The following GALNTL6 variants were observed in gnomAD, a reference collection of about 807,000 sequenced individuals.
The protein encoded by GALNTL6 is polypeptide N-acetylgalactosaminyltransferase-like 6.
A neutral mutation model predicts 73.7 loss-of-function variants in GALNTL6; 46 were observed. That is an observed-to-expected ratio of 0.62 (90% CI 0.49 to 0.80). GALNTL6 has a LOEUF of 0.80. Among genes scored for constraint, GALNTL6 ranks in the 30% least tolerant of loss-of-function variants. The probability of loss-of-function intolerance (pLI) is 0.00; values close to 1 mark genes in which losing one functional copy is unlikely to be tolerated. For missense variants in GALNTL6, 604 were observed against 755.0 expected, an observed-to-expected ratio of 0.80 and a Z score of 2.34; for synonymous variants, 259 against 263.7, an observed-to-expected ratio of 0.98 and a Z score of 0.17.
intron 5 of GALNTL6, among the ~76,000 whole-genome samples, chr4:172,743,274 G>T (rs1269777884): frequency 1.3e-5 from 2 of 151,998 alleles, no homozygotes; most frequent in South Asian, 4.1e-4. Flanking sequence ...TAGAGTTGTT[G>T]CAGAGCCTTT....
chr4:172,072,700 C>A (rs143431080), intron 2 of GALNTL6, among the ~76,000 whole-genome samples: 7 of 152,270 alleles, frequency 4.6e-5, no homozygotes, highest in African/African-American at 1.4e-4. Flanking sequence ...TCCAGTAACT[C>A]CTATCAGATT....
intron 2 of GALNTL6, among the ~76,000 whole-genome samples, chr4:171,844,677 A>G (rs547181470): frequency 6.6e-6 from 1 of 152,278 alleles, no homozygotes; most frequent in South Asian, 2.1e-4. Flanking sequence ...GTGACAATGT[A>G]AAACTGGAGA....
intron 2 of GALNTL6, among the ~76,000 whole-genome samples, chr4:171,886,084 T>C (rs1736600043): frequency 6.6e-6 from 1 of 152,070 alleles, no homozygotes; most frequent in African/African-American, 2.4e-5. Context: ...TGCTAAAGGA[T>C]AAAATATCTA....
intron 6 of GALNTL6, among the ~76,000 whole-genome samples, chr4:172,810,188 T>C (rs532471278): frequency 1.2e-4 from 19 of 152,184 alleles, no homozygotes; most frequent in Non-Finnish European, 2.5e-4. Flanking sequence ...ATGCTCACAA[T>C]ATGGCTAAGC....
chr4:172,725,153 T>C (rs1171369907), intron 5 of GALNTL6, among the ~76,000 whole-genome samples: 1 of 152,214 alleles, frequency 6.6e-6, no homozygotes, highest in Non-Finnish European at 1.5e-5. Flanking sequence ...CCTACCTTAG[T>C]TCTTTGGAAA....
At chr4:172,469,014 G>T (rs183127659) in intron 5 of GALNTL6, among the ~76,000 whole-genome samples, 178 of 152,282 alleles carry the variant, frequency 1.2e-3, no homozygotes, top group African/African-American at 3.8e-3. Context: ...AGAATGGCAA[G>T]GATTCATTGG....
intron 5 of GALNTL6, among the ~76,000 whole-genome samples, chr4:172,781,122 CGTAA>C (rs1224685448): frequency 1.3e-5 from 2 of 152,066 alleles, no homozygotes; most frequent in African/African-American, 4.8e-5. Context: ...ACCAAAAGGC[CGTAA>C]GTTAAGGAAG....
chr4:172,616,003 A>G (rs2111059771), intron 5 of GALNTL6, among the ~76,000 whole-genome samples: 2 of 152,348 alleles, frequency 1.3e-5, no homozygotes, highest in South Asian at 4.1e-4. Context: ...TTAATACATC[A>G]GAAACAGCTA....
At chr4:172,019,156 C>T (rs1048460886) in intron 2 of GALNTL6, among the ~76,000 whole-genome samples, 3 of 152,094 alleles carry the variant, frequency 2.0e-5, no homozygotes, top group Non-Finnish European at 2.9e-5. Context: ...TTTCCCGGTA[C>T]ACTCCTGCAA....
chr4:172,766,718 G>A (rs1738425790), intron 5 of GALNTL6, among the ~76,000 whole-genome samples: 1 of 152,134 alleles, frequency 6.6e-6, no homozygotes, highest in Non-Finnish European at 1.5e-5. Context: ...ATTGTTGCTG[G>A]TCTAGAGTAA....
chr4:172,207,441 T>C (rs1316422144), intron 2 of GALNTL6, among the ~76,000 whole-genome samples: 1 of 152,042 alleles, frequency 6.6e-6, no homozygotes, highest in Non-Finnish European at 1.5e-5. Context: ...GAAGAGGAAG[T>C]TGATTCAAGC....
At chr4:172,906,273 G>A (rs1746888393) in intron 8 of GALNTL6, among the ~76,000 whole-genome samples, 2 of 151,770 alleles carry the variant, frequency 1.3e-5, no homozygotes, top group Non-Finnish European at 2.9e-5. Context: ...AAATGATAAT[G>A]GGGAAAAAAT....
At chr4:172,313,029 C>A (rs1388980538) in intron 4 of GALNTL6, among the ~76,000 whole-genome samples, 1 of 152,078 alleles carries the variant, frequency 6.6e-6, no homozygotes, top group Non-Finnish European at 1.5e-5. Flanking sequence ...ATTTTAATAC[C>A]TAATTGCACA....
At chr4:172,304,043 A>AT (rs1740035626) in intron 3 of GALNTL6, among the ~76,000 whole-genome samples, 1 of 149,168 alleles carries the variant, frequency 6.7e-6, no homozygotes, top group Admixed American at 6.9e-5. Context: ...ATGCTCCTAG[A>AT]TTATTAAAAT....
intron 3 of GALNTL6, among the ~76,000 whole-genome samples, chr4:172,235,167 T>C (rs11943707): frequency 6.9e-6 from 1 of 145,322 alleles, no homozygotes; most frequent in African/African-American, 2.5e-5. Context: ...GTTTTTTTTT[T>C]CTTTTTGCTT....
At chr4:172,360,044 T>A (rs557630853) in intron 5 of GALNTL6, among the ~76,000 whole-genome samples, 1 of 152,228 alleles carries the variant, frequency 6.6e-6, no homozygotes. Flanking sequence ...CCTAATGGCA[T>A]GACTGCCCTG....
intron 2 of GALNTL6, among the ~76,000 whole-genome samples, chr4:172,136,015 C>T (rs1733627576): frequency 6.6e-6 from 1 of 152,012 alleles, no homozygotes; most frequent in Non-Finnish European, 1.5e-5. Context: ...TATCAAAGTC[C>T]ACTTCTTGTT....
chr4:171,829,511 C>T (rs1216561235), intron 2 of GALNTL6, among the ~76,000 whole-genome samples: 5 of 152,286 alleles, frequency 3.3e-5, no homozygotes, highest in Non-Finnish European at 5.9e-5. Context: ...TAAGCCTCAA[C>T]CATTTTGAGC....
At chr4:172,915,999 A>C (rs1218764286) in intron 8 of GALNTL6, among the ~76,000 whole-genome samples, 3 of 152,202 alleles carry the variant, frequency 2.0e-5, no homozygotes, top group African/African-American at 7.2e-5. Flanking sequence ...AATCCTCAAT[A>C]AAATACTGGC....
Sources: allele counts gnomAD v4.1 joint callset (sites outside exome capture counted in the v4.1 genomes callset), GRCh38; gene constraint gnomAD v4.1.1; transcripts MANE v1.5; gene names NCBI Gene and HGNC (gene_info 2026-07-23, HGNC 2026-07-21).